ZNF503: variants seen among roughly 807,000 people sequenced by gnomAD.
ZNF503 encodes the protein NocA-like zinc finger 2.
In ZNF503, 15 loss-of-function variants were observed where a neutral mutation model predicts 34.4. The observed-to-expected ratio is 0.44, with a 90% CI of 0.29 to 0.67. ZNF503 has a LOEUF of 0.67. Ranked by LOEUF, ZNF503 falls within the 30% of genes least tolerant of loss-of-function variation. The pLI, the probability that ZNF503 is intolerant of heterozygous loss-of-function variation, is 0.13. For synonymous variants in ZNF503, 580 were observed against 456.8 expected (o/e 1.27, Z -3.44); for missense variants, 1,007 against 926.8 (o/e 1.09, Z -1.12).
the ZNF503 span, chr10:75,382,484 AT>A: frequency 8.3e-6 from 6 of 720,026 alleles, no homozygotes; most frequent in Non-Finnish European, 1.3e-5. Flanking sequence ...GGCAGCCTGG[AT>A]TTTGACAGCA....
the ZNF503 span, among the ~76,000 whole-genome samples, chr10:75,387,244 A>G: frequency 6.6e-6 from 1 of 152,192 alleles, no homozygotes; most frequent in Non-Finnish European, 1.5e-5. Context: ...AGCTGTGAAC[A>G]TTCTGTTTGC....
the ZNF503 span, among the ~76,000 whole-genome samples, chr10:75,337,535 T>C: frequency 6.6e-6 from 1 of 151,654 alleles, no homozygotes; most frequent in Non-Finnish European, 1.5e-5. Flanking sequence ...GGAGAATCGC[T>C]TGAACCCAGG....
At chr10:75,375,283 G>A in the ZNF503 span, among the ~76,000 whole-genome samples, 1 of 152,040 alleles carries the variant, frequency 6.6e-6, no homozygotes, top group East Asian at 1.9e-4. Flanking sequence ...ACCACACCTG[G>A]CTAATTTTTT....
At chr10:75,285,102 A>G in the ZNF503 span, among the ~76,000 whole-genome samples, 1 of 152,252 alleles carries the variant, frequency 6.6e-6, no homozygotes, top group East Asian at 1.9e-4. Context: ...ACTTATCAAC[A>G]TAACTAACAT....
chr10:75,378,398 G>A, the ZNF503 span, among the ~76,000 whole-genome samples: 39,467 of 151,982 alleles, frequency 0.26, 5,571 homozygotes, highest in South Asian at 0.33. Context: ...CACAGCCCTG[G>A]TGGTCTCCAG....
At chr10:75,348,617 T>C in the ZNF503 span, among the ~76,000 whole-genome samples, 1 of 147,666 alleles carries the variant, frequency 6.8e-6, no homozygotes, top group Non-Finnish European at 1.5e-5. Context: ...GTTCACACCA[T>C]TCTCCTGCCT....
the ZNF503 span, among the ~76,000 whole-genome samples, chr10:75,311,264 C>T: frequency 6.6e-6 from 1 of 152,176 alleles, no homozygotes; most frequent in Non-Finnish European, 1.5e-5. Context: ...TGCTTTTATT[C>T]TGGCCATGCT....
the ZNF503 span, among the ~76,000 whole-genome samples, chr10:75,361,989 A>G: frequency 6.6e-6 from 1 of 152,214 alleles, no homozygotes; most frequent in African/African-American, 2.4e-5. Context: ...CAGCAGCCAG[A>G]AAAACCTGGG....
At chr10:75,387,326 G>C in the ZNF503 span, among the ~76,000 whole-genome samples, 5 of 152,206 alleles carry the variant, frequency 3.3e-5, no homozygotes, top group African/African-American at 1.2e-4. Context: ...GACAGACCCA[G>C]CTTTGAATTT....
chr10:75,401,189 C>A lies in ZNF503; in HGVS notation c.231G>T (p.Leu77=), dbSNP rs748550932. 6.2e-7 allele frequency: 1 copy of A among 1,609,978 alleles called. No homozygotes were observed. Among genetic ancestry groups the A allele is most frequent in the South Asian group, 1.1e-5 (1 of 90,452 alleles). Residue 77 remains leucine, a synonymous_variant, in exon 1 of 2, where the codon CTG becomes CTT. Transcript: ENST00000372524. ...RQANRLPIKV[L]KMLTARTGHI... ...GGCCAGTTCGTGCCGTCAGCATCTTCAGCACCTTGATTGGCAGGCGGTTGG... is the reference window on the plus strand; with the variant it reads ...GGCCAGTTCGTGCCGTCAGCATCTTAAGCACCTTGATTGGCAGGCGGTTGG...
chr10:75,382,405 T>C, the ZNF503 span: 692 of 381,884 alleles, frequency 1.8e-3, 8 homozygotes, highest in African/African-American at 0.015. Context: ...TGTATTCCTC[T>C]GTTTCCTCAT....
the ZNF503 span, among the ~76,000 whole-genome samples, chr10:75,301,819 A>G: frequency 6.6e-6 from 1 of 152,188 alleles, no homozygotes; most frequent in African/African-American, 2.4e-5. Flanking sequence ...TATTACATCG[A>G]AATATGTTAT....
the ZNF503 span, among the ~76,000 whole-genome samples, chr10:75,317,761 C>T: frequency 1.6e-4 from 24 of 152,102 alleles, no homozygotes; most frequent in Admixed American, 1.2e-3. Context: ...TTCGGGAGGC[C>T]GAGGTGAGCA....
At chr10:75,336,716 CTG>C in the ZNF503 span, among the ~76,000 whole-genome samples, 1 of 152,132 alleles carries the variant, frequency 6.6e-6, no homozygotes, top group Non-Finnish European at 1.5e-5. Context: ...CTTGGAGGCT[CTG>C]GGGAAGAATC....
chr10:75,352,072 A>G, the ZNF503 span, among the ~76,000 whole-genome samples: 1 of 124,634 alleles, frequency 8.0e-6, no homozygotes, highest in South Asian at 2.3e-4. Context: ...CCAATATTGA[A>G]ATGCCTATGG....
At chr10:75,318,947 C>CCT in the ZNF503 span, among the ~76,000 whole-genome samples, 1 of 148,796 alleles carries the variant, frequency 6.7e-6, no homozygotes, top group Non-Finnish European at 1.5e-5. Context: ...TCCTTCCTTC[C>CCT]CTCTCTCTCT....
chr10:75,289,671 C>T, the ZNF503 span, among the ~76,000 whole-genome samples: 2 of 152,008 alleles, frequency 1.3e-5, no homozygotes, highest in East Asian at 1.9e-4. Flanking sequence ...CTGCAACCTC[C>T]GCCTCCCGAG....
downstream of ZNF503, among the ~76,000 whole-genome samples, chr10:75,396,187 CGCCGGCCA>C (rs1843694463): frequency 6.6e-6 from 1 of 152,180 alleles, no homozygotes. The surrounding 1 kb of genome is among the most constrained non-coding windows in gnomAD (Gnocchi z 4.4). Flanking sequence ...GCGACAAGCC[CGCCGGCCA>C]GGATTCTCAA....
At chr10:75,366,152 C>T in the ZNF503 span, among the ~76,000 whole-genome samples, 5 of 152,176 alleles carry the variant, frequency 3.3e-5, no homozygotes, top group East Asian at 1.9e-4. Flanking sequence ...CAGAGAACAT[C>T]GTGCTTAGGA....
Sources: allele counts gnomAD v4.1 joint callset (sites outside exome capture counted in the v4.1 genomes callset), GRCh38; gene constraint gnomAD v4.1.1; non-coding constraint Gnocchi (gnomAD v3.1); transcripts MANE v1.5; gene names NCBI Gene and HGNC (gene_info 2026-07-23, HGNC 2026-07-21).